ERFL: variants seen among roughly 807,000 people sequenced by gnomAD.
The protein encoded by ERFL is ETS domain-containing transcription factor ERF-like.
A neutral mutation model predicts 27.9 loss-of-function variants in ERFL; 8 were observed. That is an observed-to-expected ratio of 0.29 (90% CI 0.17 to 0.52). ERFL has a LOEUF of 0.52. Ranked by LOEUF, ERFL falls within the 20% of genes least tolerant of loss-of-function variation. The pLI, the probability that ERFL is intolerant of heterozygous loss-of-function variation, is 0.97. For synonymous variants in ERFL, 174 were observed against 202.8 expected (o/e 0.86, Z 1.21); for missense variants, 294 against 444.4 (o/e 0.66, Z 3.04).
At chr19:41,912,970 G>C in intron 1 of ERFL, 38 bp from the exon 2 acceptor site, 1 of 999,842 alleles carries the variant, frequency 1.0e-6, no homozygotes, top group Non-Finnish European at 1.3e-6. Flanking sequence ...GACGGGGTGG[G>C]CAGGAGAGAC....
chr19:41,918,088 GC>G (rs1445484866), intron 1 of ERFL, among the ~76,000 whole-genome samples: 3 of 151,832 alleles, frequency 2.0e-5, no homozygotes, highest in Non-Finnish European at 2.9e-5. Flanking sequence ...GCATGGGCAT[GC>G]CCCCCCATCC....
chr19:41,922,865 G>C (rs1289823091), intron 1 of ERFL, among the ~76,000 whole-genome samples: 1 of 152,190 alleles, frequency 6.6e-6, no homozygotes, highest in Non-Finnish European at 1.5e-5. Flanking sequence ...GAGGCGGATC[G>C]ATCCCTGTCC....
chr19:41,907,987 G>A lies in ERFL; in HGVS notation c.*241C>T, dbSNP rs575955423. ...TTGCACTTTGGGAGTGGGGCCAGGC[G>A]GGGACCCCCCTCAAACTGGAGCCTG... On this transcript the variant is annotated 3_prime_UTR_variant, in exon 6 of 6. Coordinates refer to ENST00000597630, the MANE Select transcript of ERFL (RefSeq NM_001365103.2). 704 of 397,464 alleles carry A rather than the reference G, an allele frequency of 1.8e-3. 5 individuals carry two copies. Among genetic ancestry groups the A allele is most frequent in the African/African-American group, 0.014 (671 of 48,654 alleles). The allele number at this position is 397,464 out of a possible 1,614,324, so 24.6% of individuals were successfully genotyped here. A position where few individuals can be genotyped will look rare whatever the true frequency, so the allele number is the denominator to read the frequency against.
chr19:41,919,415 G>A (rs1470246300), intron 1 of ERFL, among the ~76,000 whole-genome samples: 1 of 151,822 alleles, frequency 6.6e-6, no homozygotes, highest in Non-Finnish European at 1.5e-5. Flanking sequence ...TGCTCTTTAG[G>A]GCTGGACACA....
chr19:41,908,113 G>T lies in ERFL; in HGVS notation c.*115C>A. On this transcript the variant is annotated 3_prime_UTR_variant, in exon 6 of 6. Coordinates refer to ENST00000597630, the MANE Select transcript of ERFL (RefSeq NM_001365103.2). This position sits in a 1 kb window ranked among gnomAD's most constrained non-coding sequence, Gnocchi z 6.7. The stretch of plus-strand genomic sequence containing the variant: ...TGGGGAAGGAGACTGGGGCAGCAAT[G>T]TGCCCAGACCTGGGAGGTGCTGAGG... 1.3e-6 allele frequency: 1 copy of T among 792,580 alleles called. No individual in the cohort carries two copies. Among genetic ancestry groups the T allele is most frequent in the Non-Finnish European group, 1.7e-6 (1 of 586,884 alleles). The allele number at this position is 792,580 out of a possible 1,614,324, so 49.1% of individuals were successfully genotyped here. A position where few individuals can be genotyped will look rare whatever the true frequency, so the allele number is the denominator to read the frequency against.
Position 41,910,175 on chromosome 19 carries a change from C to T in ERFL, c.68-78G>A. 7.2e-7 allele frequency: 1 copy of T among 1,387,106 alleles called. No individual in the cohort carries two copies. Among genetic ancestry groups the T allele is most frequent in the Non-Finnish European group, 9.8e-7 (1 of 1,020,058 alleles). 85.9% of individuals were successfully genotyped at this position (1,387,106 alleles called of 1,614,324 possible). On this transcript the variant is annotated intron_variant, in intron 2 of 5. Coordinates refer to ENST00000597630, the MANE Select transcript of ERFL (RefSeq NM_001365103.2). This position sits in a 1 kb window ranked among gnomAD's most constrained non-coding sequence, Gnocchi z 4.4. ...TCTGGGTCCTGCTGGACTCAGTAAC[C>T]TGGGAGGCATGTAGTTCTCCTCCAG... is the stretch of plus-strand genomic sequence containing the variant.
Position 41,908,252 on chromosome 19 carries a change from C to T in ERFL, c.1041G>A (p.Ala347=), listed in dbSNP as rs533002981. 75 of 1,231,712 alleles carry T rather than the reference C, an allele frequency of 6.1e-5. No individual in the cohort carries two copies. In the Admixed American group the frequency reaches 1.8e-3, roughly 29 times the overall value. The allele number at this position is 1,231,712 out of a possible 1,614,324, so 76.3% of individuals were successfully genotyped here. The change falls in exon 6 of 6, where the codon GCG becomes GCA. Residue 347 remains alanine (A), a synonymous_variant. Coordinates refer to ENST00000597630, the MANE Select transcript of ERFL (RefSeq NM_001365103.2). This position sits in a 1 kb window ranked among gnomAD's most constrained non-coding sequence, Gnocchi z 6.7. ...CTCAGCTGCCGGTCCCCCCTTTGCC[C>T]GCCTTTGCCTTGGGGGGTGCCGGGA... The part of the protein sequence containing the change: ...EGLPAPPKAK[A]GKGGTGS
chr19:41,923,267 T>G (rs2074852334), intron 1 of ERFL: 1 of 442,562 alleles, frequency 2.3e-6, no homozygotes, highest in Admixed American at 2.4e-5. Context: ...ATATTTGTAC[T>G]GTCAGAGGAC....
At chr19:41,919,713 G>A (rs1555852254) in intron 1 of ERFL, among the ~76,000 whole-genome samples, 1 of 152,096 alleles carries the variant, frequency 6.6e-6, no homozygotes, top group African/African-American at 2.4e-5. Flanking sequence ...AGCTGCCGGG[G>A]TCCTCTCAGG....
At position 41,908,190 on chromosome 19, in the gene ERFL, G is replaced by C. The variant is rs1303633203; in HGVS notation, c.*38C>G. The C allele has an allele frequency of 8.1e-7, 1 of 1,229,198 alleles. No individual in the cohort carries two copies. The highest frequency in any genetic ancestry group is 3.2e-5 in the East Asian group (1 of 31,690). The allele number at this position is 1,229,198 out of a possible 1,614,324, so 76.1% of individuals were successfully genotyped here. ...TCAAGGGCAGACGGGCAGCCACCCT[G>C]GTCCCTGCCTCAGCAGAATCCATTG... is the stretch of plus-strand genomic sequence containing the variant. On this transcript the variant is annotated 3_prime_UTR_variant, in exon 6 of 6. Coordinates refer to ENST00000597630, the MANE Select transcript of ERFL (RefSeq NM_001365103.2). The surrounding 1 kb of genome is among the most constrained non-coding windows in gnomAD (Gnocchi z 6.7).
chr19:41,915,030 G>A (rs1430319851), intron 1 of ERFL, among the ~76,000 whole-genome samples: 3 of 66,146 alleles, frequency 4.5e-5, no homozygotes, highest in African/African-American at 7.8e-5. Context: ...TCCCTGTCCC[G>A]CGTCTCTCCA....
At chr19:41,920,902 C>T (rs528794107) in intron 1 of ERFL, among the ~76,000 whole-genome samples, 87 of 152,292 alleles carry the variant, frequency 5.7e-4, no homozygotes, top group African/African-American at 2.0e-3. Flanking sequence ...CCCACACCCC[C>T]CTCCCTCTGT....
At chr19:41,915,278 C>G (rs868962121) in intron 1 of ERFL, among the ~76,000 whole-genome samples, 2 of 151,570 alleles carry the variant, frequency 1.3e-5, no homozygotes, top group South Asian at 4.2e-4. Context: ...ACGCTCCCCC[C>G]GCCGTGTCTC....
Position 41,917,996 on chromosome 19 carries a change from A to G in ERFL, c.-13-5064T>C, listed in dbSNP as rs1176901055. On this transcript the variant is annotated intron_variant, in intron 1 of 5. Coordinates refer to ENST00000597630, the MANE Select transcript of ERFL (RefSeq NM_001365103.2). The surrounding 1 kb of genome is among the most constrained non-coding windows in gnomAD (Gnocchi z 4.8). ...GTCCATGTGTACACAGAGCAGGCTC[A>G]GGGGCCGGCCCTCGACAGGCACCAG... Among the ~76,000 whole-genome samples the G allele has an allele frequency of 6.6e-6, 1 of 151,872 alleles. No individual in the cohort carries two copies. The highest frequency in any genetic ancestry group is 1.5e-5 in the Non-Finnish European group (1 of 67,962).
chr19:41,913,251 G>A (rs979380360), intron 1 of ERFL, among the ~76,000 whole-genome samples: 3 of 150,174 alleles, frequency 2.0e-5, no homozygotes, highest in East Asian at 2.0e-4. Context: ...TCTCACACTC[G>A]CTGGCTCTCA....
chr19:41,922,513 G>A (rs2074848222), intron 1 of ERFL, among the ~76,000 whole-genome samples: 1 of 152,142 alleles, frequency 6.6e-6, no homozygotes, highest in Non-Finnish European at 1.5e-5. Flanking sequence ...GGTGATCCAG[G>A]GTTAGAGAAA....
At chr19:41,919,302 C>A (rs1399740130) in intron 1 of ERFL, among the ~76,000 whole-genome samples, 3 of 152,176 alleles carry the variant, frequency 2.0e-5, no homozygotes, top group African/African-American at 7.2e-5. Context: ...CAGACTTCGG[C>A]ACAAGTTCAC....
chr19:41,910,689 C>T lies in ERFL; in HGVS notation c.68-592G>A, dbSNP rs2074746677. Among the ~76,000 whole-genome samples, 1 of 152,204 alleles carries T rather than the reference C, an allele frequency of 6.6e-6. No homozygotes were observed. The highest frequency in any genetic ancestry group is 6.5e-5 in the Admixed American group (1 of 15,288). ...GTCCCCTCCACCCCATATCCATGCC[C>T]ATGTCCGTCCAAGAGCAGTCCAGAA... On this transcript the variant is annotated intron_variant, in intron 2 of 5. Transcript: ENST00000597630. This position sits in a 1 kb window ranked among gnomAD's most constrained non-coding sequence, Gnocchi z 4.4.
At chr19:41,912,780 G>C in intron 2 of ERFL, 73 bp downstream of exon 2, 1 of 499,962 alleles carries the variant, frequency 2.0e-6, no homozygotes, top group Non-Finnish European at 3.1e-6. Flanking sequence ...GAGACACGGA[G>C]AGAAGGGGGA....
Sources: gnomAD v4.1 joint callset for allele counts (sites outside exome capture counted in the v4.1 genomes callset) on GRCh38, gnomAD v4.1.1 for gene constraint, Gnocchi (gnomAD v3.1) non-coding constraint, MANE v1.5 for transcripts, NCBI Gene and HGNC (gene_info 2026-07-23, HGNC 2026-07-21) for gene names.